The following TBC1D19 variants were observed in gnomAD, a reference collection of about 807,000 sequenced individuals.
The protein encoded by TBC1D19 is TBC1 domain family, member 19.
A neutral mutation model predicts 89.0 loss-of-function variants in TBC1D19; 60 were observed. The observed-to-expected ratio is 0.67, with a 90% CI of 0.55 to 0.84. The LOEUF (loss-of-function observed/expected upper bound fraction) is 0.84, where lower values mean the gene tolerates loss of function less well. Ranked by LOEUF, TBC1D19 falls within the 40% of genes least tolerant of loss-of-function variation. TBC1D19 has a pLI of 0.00. For synonymous variants in TBC1D19, 189 were observed against 199.7 expected (o/e 0.95, Z 0.45); for missense variants, 500 against 610.8 (o/e 0.82, Z 1.91).
intron 4 of TBC1D19, among the ~76,000 whole-genome samples, chr4:26,629,813 T>C (rs774949667): frequency 6.6e-5 from 10 of 151,940 alleles, no homozygotes; most frequent in Non-Finnish European, 1.3e-4. Flanking sequence ...AAGCAAAATA[T>C]AAAACAACAT....
chr4:26,589,167 C>A lies in TBC1D19; in HGVS notation c.99+4875C>A, dbSNP rs188210837. Among the ~76,000 whole-genome samples, 8 of 152,076 alleles carry A rather than the reference C, an allele frequency of 5.3e-5. No individual in the cohort carries two copies. In the East Asian group the frequency reaches 1.6e-3, roughly 29 times the overall value. On this transcript the variant is annotated intron_variant, in intron 1 of 20. Coordinates refer to ENST00000264866, the MANE Select transcript of TBC1D19 (RefSeq NM_018317.4). Reference sequence around the variant, plus strand: ...GTGCATTCCTGTAATCCCAACTACTCGGGAAGCTGAGGCAGGAGAATTGCT... The same window carrying A: ...GTGCATTCCTGTAATCCCAACTACTAGGGAAGCTGAGGCAGGAGAATTGCT...
chr4:26,841,020 T>G, the TBC1D19 span, among the ~76,000 whole-genome samples: 2 of 151,970 alleles, frequency 1.3e-5, no homozygotes, highest in South Asian at 4.2e-4. Flanking sequence ...GTAAGAAGGG[T>G]TGGGGTCCTT....
intron 7 of TBC1D19, among the ~76,000 whole-genome samples, chr4:26,656,585 G>A (rs529897649): frequency 6.6e-6 from 1 of 150,646 alleles, no homozygotes; most frequent in Middle Eastern, 3.4e-3. Context: ...TTGAGATGGA[G>A]TGTTGCTCTG....
At chr4:26,807,618 G>A in the TBC1D19 span, among the ~76,000 whole-genome samples, 1 of 152,150 alleles carries the variant, frequency 6.6e-6, no homozygotes, top group Non-Finnish European at 1.5e-5. Flanking sequence ...CACTTGCTTG[G>A]CGAGTTCATC....
At chr4:26,775,095 T>G in the TBC1D19 span, among the ~76,000 whole-genome samples, 1 of 152,220 alleles carries the variant, frequency 6.6e-6, no homozygotes, top group Admixed American at 6.5e-5. Context: ...AAATTGCATT[T>G]TAATAATTTA....
At chr4:26,737,036 A>G (rs1402666322) in intron 16 of TBC1D19, among the ~76,000 whole-genome samples, 1 of 152,224 alleles carries the variant, frequency 6.6e-6, no homozygotes, top group Non-Finnish European at 1.5e-5. Context: ...ACAGAAATAC[A>G]TTAATGTTTT....
chr4:26,718,059 A>G, intron 14 of TBC1D19, 42 bp downstream of exon 14: 1 of 1,430,818 alleles, frequency 7.0e-7, no homozygotes, highest in South Asian at 1.2e-5. Context: ...AGACTTACAT[A>G]ATCATGCCAA....
chr4:26,659,416 A>G (rs1745077105), intron 7 of TBC1D19, among the ~76,000 whole-genome samples, 181 bp from the exon 8 acceptor site: 1 of 152,142 alleles, frequency 6.6e-6, no homozygotes, highest in African/African-American at 2.4e-5. Context: ...AAGTATATTT[A>G]TGGCATTATA....
At chr4:26,788,707 T>G in the TBC1D19 span, among the ~76,000 whole-genome samples, 2 of 152,194 alleles carry the variant, frequency 1.3e-5, no homozygotes, top group African/African-American at 4.8e-5. Flanking sequence ...AAGGACCACT[T>G]TGAAAACCTT....
intron 15 of TBC1D19, among the ~76,000 whole-genome samples, chr4:26,725,634 A>G (rs1183569828): frequency 1.3e-5 from 2 of 152,020 alleles, no homozygotes; most frequent in African/African-American, 2.4e-5. Context: ...GCTAGTCTTG[A>G]ACACCTGGTC....
intron 1 of TBC1D19, among the ~76,000 whole-genome samples, chr4:26,587,060 A>T (rs942917390): frequency 1.3e-5 from 2 of 152,082 alleles, no homozygotes; most frequent in Non-Finnish European, 2.9e-5. Context: ...TCATGAATGG[A>T]TGTTGAACTT....
the TBC1D19 span, among the ~76,000 whole-genome samples, chr4:26,768,403 C>A: frequency 3.3e-5 from 5 of 152,090 alleles, no homozygotes; most frequent in Non-Finnish European, 7.4e-5. Context: ...ACAAATATAT[C>A]CAGCATTCAA....
intron 3 of TBC1D19, among the ~76,000 whole-genome samples, chr4:26,617,353 C>A (rs550453399): frequency 6.6e-6 from 1 of 152,342 alleles, no homozygotes; most frequent in Admixed American, 6.5e-5. Context: ...ACATTCAAAC[C>A]ATGGCAGAAA....
the TBC1D19 span, among the ~76,000 whole-genome samples, chr4:26,764,225 A>G: frequency 3.8e-3 from 578 of 152,306 alleles, 2 homozygotes; most frequent in African/African-American, 0.013. Flanking sequence ...CTGGAGAAGA[A>G]TGAATTATAT....
chr4:26,681,070 C>T (rs1713296441), intron 11 of TBC1D19, among the ~76,000 whole-genome samples: 2 of 152,136 alleles, frequency 1.3e-5, no homozygotes, highest in Admixed American at 6.5e-5. Flanking sequence ...AAAGATTCTT[C>T]AACTATATTG....
chr4:26,621,840 AC>A (rs1407568065), intron 4 of TBC1D19, among the ~76,000 whole-genome samples: 1 of 152,140 alleles, frequency 6.6e-6, no homozygotes, highest in Non-Finnish European at 1.5e-5. Context: ...TTTGGAACCA[AC>A]CCAATTGTCC....
chr4:26,777,122 A>T, the TBC1D19 span, among the ~76,000 whole-genome samples: 3 of 145,330 alleles, frequency 2.1e-5, no homozygotes, highest in Non-Finnish European at 3.0e-5. Flanking sequence ...TCTATTAGGC[A>T]TCTCTCTCTC....
the TBC1D19 span, among the ~76,000 whole-genome samples, chr4:26,804,046 C>T: frequency 4.6e-5 from 7 of 150,812 alleles, no homozygotes; most frequent in Admixed American, 1.3e-4. Flanking sequence ...ATCCAGGGAC[C>T]TAACTCCTTA....
Position 26,620,609 on chromosome 4 carries a change from C to G in TBC1D19, c.219-4C>G. On this transcript the variant is annotated splice_polypyrimidine_tract_variant and splice_region_variant and intron_variant, in intron 3 of 20. Transcript: ENST00000264866. ...GATATTTAGCTGCCTCTTTTTGCTC[C>G]TAGGTTTCCTTTACCTAGTCATCCT... is the stretch of plus-strand genomic sequence containing the variant. 6.2e-7 allele frequency: 1 copy of G among 1,612,478 alleles called. No individual in the cohort carries two copies. The highest frequency in any genetic ancestry group is 2.2e-5 in the East Asian group (1 of 44,768).
Sources: allele counts gnomAD v4.1 joint callset (sites outside exome capture counted in the v4.1 genomes callset), GRCh38; gene constraint gnomAD v4.1.1; transcripts MANE v1.5; gene names NCBI Gene and HGNC (gene_info 2026-07-23, HGNC 2026-07-21).